Variants in SEC14L1 observed in about 807,000 individuals in gnomAD.
The protein encoded by SEC14L1 is SEC14-like protein 1.
Under a neutral mutation model 85.3 loss-of-function variants are expected in SEC14L1, and 48 were observed. The ratio of observed to expected loss-of-function variants is 0.56; its 90% CI spans 0.45 to 0.72. SEC14L1 has a LOEUF of 0.72. Among genes scored for constraint, SEC14L1 ranks in the 30% least tolerant of loss-of-function variants. SEC14L1 has a pLI of 0.00. For synonymous variants in SEC14L1, 391 were observed against 355.5 expected (o/e 1.10, Z -1.12); for missense variants, 682 against 921.4 (o/e 0.74, Z 3.36).
chr17:77,199,544 GT>G (rs1976010292), intron 8 of SEC14L1: 1 of 154,122 alleles, frequency 6.5e-6, no homozygotes, highest in African/African-American at 2.4e-5. Flanking sequence ...CATCATCCAT[GT>G]TTAATTCTCT....
intron 3 of SEC14L1, among the ~76,000 whole-genome samples, chr17:77,115,996 G>T (rs1012309472): frequency 6.6e-6 from 1 of 150,486 alleles, no homozygotes; most frequent in Non-Finnish European, 1.5e-5. Flanking sequence ...ACTGCTCATC[G>T]CAGCCTCCAA....
chr17:77,125,986 T>A (rs1184623211), intron 3 of SEC14L1, among the ~76,000 whole-genome samples: 1 of 152,144 alleles, frequency 6.6e-6, no homozygotes, highest in East Asian at 1.9e-4. Context: ...ACCCCATCTC[T>A]ACAAAAATAT....
rs112038109 is a variant in SEC14L1, at chr17:77,196,409, C to A, written c.819+98C>A. 83 of 694,066 alleles carry A rather than the reference C, an allele frequency of 1.2e-4. 1 individual carries two copies. In the African/African-American group the frequency reaches 1.3e-3, roughly 11 times the overall value. 43.0% of individuals were successfully genotyped at this position (694,066 alleles called of 1,614,324 possible). A position where few individuals can be genotyped will look rare whatever the true frequency, so the allele number is the denominator to read the frequency against. Reference sequence around the variant, plus strand: ...TCACCAAGAGTGATATTCCCAACTTCCACGGCTGGGAATGTTTCTTCCAGT... The same window carrying A: ...TCACCAAGAGTGATATTCCCAACTTACACGGCTGGGAATGTTTCTTCCAGT... On this transcript the variant is annotated intron_variant, in intron 8 of 16. Coordinates refer to ENST00000436233, the MANE Select transcript of SEC14L1 (RefSeq NM_001143998.2).
chr17:77,127,162 G>A (rs1384847078), intron 3 of SEC14L1, among the ~76,000 whole-genome samples: 1 of 151,224 alleles, frequency 6.6e-6, no homozygotes, highest in East Asian at 1.9e-4. Context: ...ACAGACCCCA[G>A]TGTGTGATGG....
rs1274404161 is a variant in SEC14L1 at position 77,214,082 on chromosome 17, G to C, written c.*59G>C. 4 of 1,573,800 alleles carry C rather than the reference G, an allele frequency of 2.5e-6. No individual in the cohort carries two copies. The highest frequency in any genetic ancestry group is 3.5e-6 in the Non-Finnish European group (4 of 1,159,082). ...ACGGCCGCCCCTCCTCGGACAGCCAGCTGCACCCGCCCACCCAGCGGCGAC... is the reference window on the plus strand; with the variant it reads ...ACGGCCGCCCCTCCTCGGACAGCCACCTGCACCCGCCCACCCAGCGGCGAC... On this transcript the variant is annotated 3_prime_UTR_variant, in exon 17 of 17. Transcript: ENST00000436233.
chr17:77,205,885 T>C (rs1976439955), intron 11 of SEC14L1, among the ~76,000 whole-genome samples: 1 of 152,174 alleles, frequency 6.6e-6, no homozygotes, highest in Non-Finnish European at 1.5e-5. Context: ...AAATACCAGC[T>C]GTGTGCCCTG....
chr17:77,093,219 C>T (rs548207490), intron 2 of SEC14L1: 41 of 152,274 alleles, frequency 2.7e-4, no homozygotes, highest in African/African-American at 9.6e-4. Context: ...AGAATAAGAA[C>T]TGATGCATAT....
At chr17:77,128,720 C>A (rs969443149) in intron 3 of SEC14L1, among the ~76,000 whole-genome samples, 1 of 151,980 alleles carries the variant, frequency 6.6e-6, no homozygotes, top group African/African-American at 2.4e-5. Flanking sequence ...TCCCAAAGTG[C>A]TGGGATTACA....
chr17:77,160,812 G>A (rs1449082834), intron 3 of SEC14L1, among the ~76,000 whole-genome samples: 1 of 149,130 alleles, frequency 6.7e-6, no homozygotes, highest in Non-Finnish European at 1.5e-5. Context: ...CACATGGTTA[G>A]CTTTTATTTT....
intron 3 of SEC14L1, among the ~76,000 whole-genome samples, chr17:77,116,809 AC>A (rs1159798945): frequency 6.6e-6 from 1 of 152,162 alleles, no homozygotes; most frequent in Non-Finnish European, 1.5e-5. Flanking sequence ...TAAGGAGCTT[AC>A]CTGGCAGGAT....
chr17:77,204,528 T>C (rs1311810479), intron 10 of SEC14L1, among the ~76,000 whole-genome samples: 1 of 142,046 alleles, frequency 7.0e-6, no homozygotes, highest in Non-Finnish European at 1.5e-5. Flanking sequence ...CCAGCTTTTT[T>C]TTTTTTTTTT....
intron 3 of SEC14L1, among the ~76,000 whole-genome samples, chr17:77,107,302 G>A (rs1232070376): frequency 1.3e-5 from 2 of 152,168 alleles, no homozygotes; most frequent in Non-Finnish European, 2.9e-5. Flanking sequence ...TCTGAGACTG[G>A]CATCCTTATC....
chr17:77,194,846 A>G lies in SEC14L1; in HGVS notation c.644A>G (p.Glu215Gly). 6.2e-7 allele frequency: 1 copy of G among 1,614,182 alleles called. No homozygotes were observed. The highest frequency in any genetic ancestry group is 8.5e-7 in the Non-Finnish European group (1 of 1,180,026). ...GTCATCCCAGAAGCTGCCCTCAAGGAGGGGCTGAGTGGTGATGCCCTCAGC... is the reference window on the plus strand; with the variant it reads ...GTCATCCCAGAAGCTGCCCTCAAGGGGGGGCTGAGTGGTGATGCCCTCAGC... ...AVVIPEAALK[E>G]GLSGDALSSP... Residue 215 changes from glutamate to glycine, a missense_variant, in exon 7 of 17, where the codon GAG becomes GGG. Glu to Gly is a moderately conservative substitution (Grantham distance 98). Around this residue, in one of 3 missense-constraint regions of SEC14L1, gnomAD observed 123 missense variants for 100.6 expected, o/e 1.22. Transcript: ENST00000436233.
chr17:77,172,956 G>A (rs1974585673), intron 3 of SEC14L1, among the ~76,000 whole-genome samples: 1 of 152,166 alleles, frequency 6.6e-6, no homozygotes, highest in Non-Finnish European at 1.5e-5. Flanking sequence ...TGACCTGGGG[G>A]ATGCTCACGT....
chr17:77,157,742 G>T (rs906559225), intron 3 of SEC14L1, among the ~76,000 whole-genome samples: 9 of 152,126 alleles, frequency 5.9e-5, no homozygotes, highest in African/African-American at 2.2e-4. Flanking sequence ...TGGTCAGGCT[G>T]GTCCCAAACT....
intron 3 of SEC14L1, among the ~76,000 whole-genome samples, chr17:77,160,382 T>G (rs1018960850): frequency 2.0e-5 from 3 of 152,220 alleles, no homozygotes; most frequent in African/African-American, 7.2e-5. Context: ...TAGAGAGAGA[T>G]TTGTACTCAG....
intron 14 of SEC14L1, 110 bp from the exon 15 acceptor site, chr17:77,211,838 CCT>C: frequency 2.2e-6 from 3 of 1,392,852 alleles, no homozygotes; most frequent in Non-Finnish European, 2.9e-6. Flanking sequence ...TCAGCGTTTC[CCT>C]CCCCAGCTTC....
intron 3 of SEC14L1, among the ~76,000 whole-genome samples, chr17:77,112,891 C>T (rs1972079810): frequency 6.6e-6 from 1 of 151,376 alleles, no homozygotes; most frequent in Admixed American, 6.6e-5. Flanking sequence ...AGTACTTAGG[C>T]ATAATGGGTC....
intron 3 of SEC14L1, among the ~76,000 whole-genome samples, chr17:77,178,347 CTG>C (rs1974854324): frequency 6.6e-6 from 1 of 152,084 alleles, no homozygotes. Context: ...AAACCTACTA[CTG>C]TGTGTTTTTT....
Sources: allele counts gnomAD v4.1 joint callset (sites outside exome capture counted in the v4.1 genomes callset), GRCh38; gene constraint gnomAD v4.1.1; regional missense constraint gnomAD v4.1.1; transcripts MANE v1.5; gene names NCBI Gene and HGNC (gene_info 2026-07-23, HGNC 2026-07-21).